Variants in RPAP1 observed in about 807,000 individuals in gnomAD.
RPAP1 encodes RNA polymerase II associated protein 1.
RPAP1 carries 109 observed loss-of-function variants against 142.4 expected under a neutral mutation model. The observed-to-expected ratio is 0.77, with a 90% CI of 0.66 to 0.90. The LOEUF is 0.90. Among genes scored for constraint, RPAP1 ranks in the 40% least tolerant of loss-of-function variants. The probability of loss-of-function intolerance (pLI) is 0.00; values close to 1 mark genes in which losing one functional copy is unlikely to be tolerated. For missense variants in RPAP1, 1,546 were observed against 1,751.7 expected (o/e 0.88, Z 2.10); for synonymous variants, 704 against 738.9 (o/e 0.95, Z 0.77).
chr15:41,534,419 C>CG (rs1325596177), intron 6 of RPAP1, among the ~76,000 whole-genome samples: 102 of 145,494 alleles, frequency 7.0e-4, no homozygotes, highest in Middle Eastern at 3.5e-3. Flanking sequence ...ACTCTGTCCC[C>CG]CCAAAAAAAA....
rs2051826420 is a variant in RPAP1, at chr15:41,529,479, C to T, written c.1149G>A (p.Glu383=). The change falls in exon 9 of 25, where the codon GAG becomes GAA. Residue 383 remains glutamate, a synonymous_variant. Coordinates refer to ENST00000304330, the MANE Select transcript of RPAP1 (RefSeq NM_015540.4). ...CAGTCCCATGCCTCACCTCTGCCTC[C>T]TCTCCATGGTGGTGCAGACCCAGGT... ...PTHLGLHHHG[E]EAERAGYSLQ... The T allele has an allele frequency of 5.6e-6, 9 of 1,611,082 alleles. No homozygotes were observed. Among genetic ancestry groups the T allele is most frequent in the Non-Finnish European group, 7.6e-6 (9 of 1,177,994 alleles).
chr15:41,531,227 G>C, intron 6 of RPAP1, 25 bp from the exon 7 acceptor site: 1 of 1,592,684 alleles, frequency 6.3e-7, no homozygotes, highest in Non-Finnish European at 8.6e-7. Context: ...AGAGGGGAGA[G>C]TGAGTGAGGG....
Position 41,537,824 on chromosome 15 carries a change from T to C in RPAP1, c.-76-623A>G, listed in dbSNP as rs180702622. Among the ~76,000 whole-genome samples, 464 of 147,392 alleles carry C rather than the reference T, an allele frequency of 3.1e-3. 3 individuals are homozygous for C. Among genetic ancestry groups the C allele is most frequent in the African/African-American group, 0.011 (437 of 39,888 alleles). On this transcript the variant is annotated intron_variant, in intron 1 of 24. Transcript: ENST00000304330. ...CTTGAACCTGGGAGATGGAGGTTGCTGTGAGCCGAGATTGCACCATTGCAC... is the reference window on the plus strand; with the variant it reads ...CTTGAACCTGGGAGATGGAGGTTGCCGTGAGCCGAGATTGCACCATTGCAC...
intron 1 of RPAP1, among the ~76,000 whole-genome samples, chr15:41,540,956 C>CA (rs1241958849): frequency 6.6e-6 from 1 of 152,124 alleles, no homozygotes; most frequent in East Asian, 1.9e-4. Context: ...GGCTTTTACC[C>CA]ACTAGACGTC....
At chr15:41,518,464 A>T (rs765179636) in intron 22 of RPAP1, 149 of 267,842 alleles carry the variant, frequency 5.6e-4, no homozygotes, top group Non-Finnish European at 9.0e-4. Flanking sequence ...GGCGGATCAC[A>T]CGAAATTAGG....
At position 41,527,184 on chromosome 15, in the gene RPAP1, G is replaced by C. The variant is rs2051800868; in HGVS notation, c.1729C>G (p.Leu577Val). Residue 577 changes from leucine (L) to valine (V), a missense_variant, in exon 13 of 25, where the codon CTG becomes GTG. Physicochemically the swap from Leu to Val is conservative, Grantham distance 32. Around this residue, in one of 3 missense-constraint regions of RPAP1, gnomAD observed 1,333 missense variants for 1,486.6 expected, o/e 0.90. Transcript: ENST00000304330. ...AVLIRLARHS[L>V]ESATRVLECP... Reference sequence around the variant, plus strand: ...TTTCTCACCCTTGTGGCTGATTCCAGGGAATGCCGGGCCAGGCGGATGAGC... The same window carrying C: ...TTTCTCACCCTTGTGGCTGATTCCACGGAATGCCGGGCCAGGCGGATGAGC... 1 of 1,614,198 alleles carries C rather than the reference G, an allele frequency of 6.2e-7. No homozygotes were observed.
In RPAP1 at chr15:41,525,152, G is replaced by T. The variant is rs775555438; in HGVS notation, c.1918-4C>A. 1 of 1,604,738 alleles carries T rather than the reference G, an allele frequency of 6.2e-7. No homozygotes were observed. The highest frequency in any genetic ancestry group is 8.5e-7 in the Non-Finnish European group (1 of 1,175,450). On this transcript the variant is annotated splice_polypyrimidine_tract_variant and splice_region_variant and intron_variant, in intron 14 of 24. Transcript: ENST00000304330. ...TCCGGAGATCAAAGCTGCTCAACTGGAAATGGGCACAGTCTGAGGATCAGG... is the reference window on the plus strand; with the variant it reads ...TCCGGAGATCAAAGCTGCTCAACTGTAAATGGGCACAGTCTGAGGATCAGG...
chr15:41,530,232 G>A (rs1187540323), intron 7 of RPAP1, among the ~76,000 whole-genome samples: 1 of 152,150 alleles, frequency 6.6e-6, no homozygotes, highest in Non-Finnish European at 1.5e-5. Flanking sequence ...TGGGAGGGGA[G>A]AGAGGAGGAG....
Position 41,534,844 on chromosome 15 carries a change from T to G in RPAP1, c.633A>C (p.Thr211=), listed in dbSNP as rs1302773359. 1 of 1,614,060 alleles carries G rather than the reference T, an allele frequency of 6.2e-7. No individual in the cohort carries two copies. The highest frequency in any genetic ancestry group is 8.5e-7 in the Non-Finnish European group (1 of 1,180,024). ...SHSFQGPNLV[T]GKGLRDQEAE... The stretch of plus-strand genomic sequence containing the variant: ...CTTCTTGATCCCTGAGCCCCTTCCC[T>G]GTGACCAGATTGGGTCCCTGAAAGC... Residue 211 remains threonine, a synonymous_variant, in exon 6 of 25, where the codon ACA becomes ACC. Transcript: ENST00000304330.
chr15:41,526,321 C>G (rs956054241), intron 14 of RPAP1, among the ~76,000 whole-genome samples: 1 of 152,216 alleles, frequency 6.6e-6, no homozygotes, highest in African/African-American at 2.4e-5. Flanking sequence ...GCAACCAGCC[C>G]ACTGCAGCCT....
At position 41,534,819 on chromosome 15, in the gene RPAP1, C is replaced by T; in HGVS notation, c.658G>A (p.Ala220Thr). The change falls in exon 6 of 25, where the codon GCT (alanine) becomes ACT (threonine). Residue 220 changes from alanine to threonine, a missense_variant. By Grantham distance (58) the Ala-to-Thr change is moderately conservative. Coordinates refer to ENST00000304330, the MANE Select transcript of RPAP1 (RefSeq NM_015540.4). ...VTGKGLRDQE[A>T]EQEAQTIHEE... ...TGGATAGTCTGGGCTTCCTGCTCAG[C>T]TTCTTGATCCCTGAGCCCCTTCCCT... The T allele has an allele frequency of 6.2e-7, 1 of 1,614,130 alleles. No homozygotes were observed. The highest frequency in any genetic ancestry group is 1.1e-5 in the South Asian group (1 of 91,080).
chr15:41,529,815 C>T (rs1485225338), intron 8 of RPAP1, 49 bp downstream of exon 8: 1 of 1,380,060 alleles, frequency 7.2e-7, no homozygotes, highest in East Asian at 2.3e-5. Flanking sequence ...AGCAGCTCCT[C>T]TCCTGCCCTA....
At chr15:41,519,690 ACCT>A (rs1323054945) in intron 22 of RPAP1, 2 of 151,790 alleles carry the variant, frequency 1.3e-5, no homozygotes, top group African/African-American at 4.9e-5. Flanking sequence ...CTGCCTTTCT[ACCT>A]CCTCACCAAT....
At chr15:41,534,124 A>G (rs923849202) in intron 6 of RPAP1, among the ~76,000 whole-genome samples, 4 of 145,266 alleles carry the variant, frequency 2.8e-5, no homozygotes, top group Admixed American at 6.9e-5. Context: ...CTCCATCTCA[A>G]AAAAAAAAAA....
rs1379265900 is a variant in RPAP1 at position 41,528,260 on chromosome 15, T to G, written c.1235A>C (p.His412Pro). 1 of 1,608,632 alleles carries G rather than the reference T, an allele frequency of 6.2e-7. No individual in the cohort carries two copies. The highest frequency in any genetic ancestry group is 2.2e-5 in the East Asian group (1 of 44,808). The part of the protein sequence containing the change: ...QVSQQRALAL[H>P]VLAQVISRAQ... ...CCTGCTGATGACCTGGGCTAACACA[T>G]GCAGTGCCAGTGCTCTCTGCTGGGA... Residue 412 changes from histidine to proline, a missense_variant, in exon 10 of 25, where the codon CAT (histidine) becomes CCT (proline). His to Pro is a moderately conservative substitution (Grantham distance 77). This residue lies in a region of RPAP1 where 1,333 missense variants were observed against 1,486.6 expected (regional missense o/e 0.90). Coordinates refer to ENST00000304330, the MANE Select transcript of RPAP1 (RefSeq NM_015540.4).
In RPAP1 at chr15:41,529,863, C is replaced by A. The variant is rs761375067; in HGVS notation, c.1059+1G>T. 1.2e-5 allele frequency: 19 copies of A among 1,601,338 alleles called. No homozygotes were observed. Among genetic ancestry groups the A allele is most frequent in the Non-Finnish European group, 1.5e-5 (18 of 1,173,802 alleles). ...CTTGTAGGCCAGGTGGCCCTCCTCA[C>A]CTCCTGTGTCTGCTGCCGCCGGACA... On this transcript the variant is annotated splice_donor_variant, in intron 8 of 24. Coordinates refer to ENST00000304330, the MANE Select transcript of RPAP1 (RefSeq NM_015540.4). LOFTEE classifies it high-confidence loss of function.
intron 1 of RPAP1, among the ~76,000 whole-genome samples, chr15:41,543,505 G>A (rs2051991330): frequency 6.6e-6 from 1 of 152,074 alleles, no homozygotes; most frequent in Non-Finnish European, 1.5e-5. Flanking sequence ...GAGCCACCGT[G>A]CGCGGCCTCT....
chr15:41,521,259 G>T, intron 21 of RPAP1, 112 bp from the exon 22 acceptor site: 2 of 1,086,124 alleles, frequency 1.8e-6, no homozygotes, highest in Non-Finnish European at 2.6e-6. Flanking sequence ...GTGCCTCTCT[G>T]CTCCCTTAAC....
chr15:41,518,365 G>C, intron 22 of RPAP1, 183 bp from the exon 23 acceptor site: 1 of 519,410 alleles, frequency 1.9e-6, no homozygotes, highest in Non-Finnish European at 3.2e-6. Context: ...GGGGAAAACT[G>C]GGAACTGAGA....
Sources: allele counts gnomAD v4.1 joint callset (sites outside exome capture counted in the v4.1 genomes callset), GRCh38; gene constraint gnomAD v4.1.1; regional missense constraint gnomAD v4.1.1; transcripts MANE v1.5; gene names NCBI Gene and HGNC (gene_info 2026-07-23, HGNC 2026-07-21).